The following OR5D3 variants were observed in gnomAD, a reference collection of about 807,000 sequenced individuals.
OR5D3 encodes the protein olfactory receptor family 5 subfamily D member 3.
the OR5D3 span, chr11:55,727,847 AT>A: frequency 1.3e-5 from 2 of 152,050 alleles, no homozygotes; most frequent in African/African-American, 4.8e-5. Context: ...TTTGTAAGAA[AT>A]AATATAGAGG....
the OR5D3 span, chr11:55,726,773 T>C: frequency 2.5e-6 from 1 of 398,904 alleles, no homozygotes; most frequent in East Asian, 3.6e-5. Context: ...ATTGTTGCTG[T>C]GTCCTGCTCT....
chr11:55,724,600 G>A, the OR5D3 span, among the ~76,000 whole-genome samples: 4 of 152,132 alleles, frequency 2.6e-5, no homozygotes, highest in East Asian at 5.8e-4. Context: ...ATGTGTTAGT[G>A]GTAATGAGAT....
At chr11:55,726,805 G>T in the OR5D3 span, 11 of 398,770 alleles carry the variant, frequency 2.8e-5, no homozygotes, top group Non-Finnish European at 4.4e-5. Context: ...GAGCCAGAAG[G>T]TCATTTTAGT....
At chr11:55,725,301 G>A in the OR5D3 span, among the ~76,000 whole-genome samples, 2 of 151,896 alleles carry the variant, frequency 1.3e-5, no homozygotes, top group Non-Finnish European at 2.9e-5. Flanking sequence ...TGGCATCAAG[G>A]CATATTGAAA....
At chr11:55,728,664 G>A in the OR5D3 span, 2 of 151,868 alleles carry the variant, frequency 1.3e-5, no homozygotes, top group African/African-American at 4.8e-5. Flanking sequence ...TTCCCCTCAA[G>A]GTTTATCTTT....
the OR5D3 span, chr11:55,723,961 T>A: frequency 2.5e-6 from 1 of 397,846 alleles, no homozygotes; most frequent in Non-Finnish European, 4.4e-6. Flanking sequence ...TTTGTTTCTA[T>A]TAATTAAGTG....
chr11:55,728,597 G>A, the OR5D3 span: 10 of 152,056 alleles, frequency 6.6e-5, no homozygotes, highest in Non-Finnish European at 1.2e-4. Flanking sequence ...TACAAGCACA[G>A]AATATGAAGT....
At chr11:55,729,036 T>G in the OR5D3 span, 4 of 152,020 alleles carry the variant, frequency 2.6e-5, no homozygotes, top group Non-Finnish European at 4.4e-5. Context: ...TTTTGGAAGA[T>G]GTAAGCTGTA....
the OR5D3 span, chr11:55,728,349 G>A: frequency 6.6e-6 from 1 of 152,068 alleles, no homozygotes; most frequent in Non-Finnish European, 1.5e-5. Context: ...GATGGGTACA[G>A]GGAGAAATGA....
At chr11:55,724,016 C>A in the OR5D3 span, 4 of 397,848 alleles carry the variant, frequency 1.0e-5, no homozygotes, top group African/African-American at 8.3e-5. Context: ...AGCAAAAGAT[C>A]CTTCAGTAAA....
chr11:55,728,641 A>G, the OR5D3 span: 2 of 152,068 alleles, frequency 1.3e-5, no homozygotes, highest in African/African-American at 4.8e-5. Context: ...CCAAGCTGTT[A>G]AGTGATACTT....
chr11:55,725,133 G>T, the OR5D3 span, among the ~76,000 whole-genome samples: 1 of 151,922 alleles, frequency 6.6e-6, no homozygotes, highest in Admixed American at 6.6e-5. Context: ...ACACTAATTA[G>T]CTATAATTCT....
the OR5D3 span, chr11:55,728,386 C>T: frequency 5.9e-5 from 9 of 152,046 alleles, no homozygotes; most frequent in Non-Finnish European, 1.0e-4. Flanking sequence ...TTGATTGAAA[C>T]ATTTACATCT....
the OR5D3 span, chr11:55,727,578 C>T: frequency 1.3e-5 from 2 of 152,024 alleles, no homozygotes; most frequent in Non-Finnish European, 2.9e-5. Flanking sequence ...TCTGTATGGG[C>T]AACTTTGGCA....
the OR5D3 span, among the ~76,000 whole-genome samples, chr11:55,725,341 T>C: frequency 1.4e-4 from 22 of 152,112 alleles, no homozygotes; most frequent in Admixed American, 1.1e-3. Context: ...TTGAGATGGG[T>C]CTTCCTGACA....
the OR5D3 span, among the ~76,000 whole-genome samples, chr11:55,725,921 C>A: frequency 6.6e-6 from 1 of 152,040 alleles, no homozygotes; most frequent in Admixed American, 6.5e-5. Context: ...TAGAGTGGCT[C>A]TTCTCATGAA....
At chr11:55,727,475 G>A in the OR5D3 span, 1 of 165,690 alleles carries the variant, frequency 6.0e-6, no homozygotes, top group African/African-American at 2.4e-5. Flanking sequence ...AAGAATAGTA[G>A]TTTATAATGA....
the OR5D3 span, among the ~76,000 whole-genome samples, chr11:55,725,111 G>A: frequency 6.6e-6 from 1 of 151,812 alleles, no homozygotes; most frequent in African/African-American, 2.4e-5. Flanking sequence ...ACTACTTAAG[G>A]TTTCTGAAAC....
At chr11:55,728,661 C>T in the OR5D3 span, 1 of 152,038 alleles carries the variant, frequency 6.6e-6, no homozygotes, top group Non-Finnish European at 1.5e-5. Flanking sequence ...TGTTTCCCCT[C>T]AAGGTTTATC....
Sources: allele counts gnomAD v4.1 joint callset (sites outside exome capture counted in the v4.1 genomes callset), GRCh38; gene constraint gnomAD v4.1.1; transcripts MANE v1.5; gene names NCBI Gene and HGNC (gene_info 2026-07-23, HGNC 2026-07-21).